KCNQ5: variants seen among roughly 807,000 people sequenced by gnomAD.
KCNQ5 encodes the protein potassium voltage-gated channel subfamily Q member 5.
A neutral mutation model predicts 98.2 loss-of-function variants in KCNQ5; 30 were observed. The ratio of observed to expected loss-of-function variants is 0.31; its 90% confidence interval spans 0.23 to 0.41. The LOEUF (loss-of-function observed/expected upper bound fraction) is 0.41. Ranked by LOEUF, KCNQ5 falls within the 10% of genes least tolerant of loss-of-function variation. The pLI, the probability that KCNQ5 is intolerant of heterozygous loss-of-function variation, is 1.00. For missense variants in KCNQ5, 835 were observed against 1,182.5 expected (o/e 0.71, Z 4.31); for synonymous variants, 458 against 449.4 (o/e 1.02, Z -0.24).
chr6:72,891,786 C>A (rs1357532779), intron 1 of KCNQ5, among the ~76,000 whole-genome samples: 1 of 152,164 alleles, frequency 6.6e-6, no homozygotes, highest in Non-Finnish European at 1.5e-5. Context: ...TCGCTATTAT[C>A]AGGCAAGACT....
intron 2 of KCNQ5, among the ~76,000 whole-genome samples, chr6:73,034,081 C>A (rs546670757): frequency 1.3e-5 from 2 of 152,278 alleles, no homozygotes; most frequent in East Asian, 3.9e-4. Flanking sequence ...AAGTTTGGAG[C>A]CATCTCTAGA....
At chr6:72,811,697 G>A (rs1447497102) in intron 1 of KCNQ5, among the ~76,000 whole-genome samples, 3 of 152,166 alleles carry the variant, frequency 2.0e-5, no homozygotes, top group Non-Finnish European at 2.9e-5. Context: ...TGGAGGCCAA[G>A]TTCCAGGTGT....
intron 1 of KCNQ5, among the ~76,000 whole-genome samples, chr6:72,697,823 A>T (rs1050736586): frequency 1.3e-5 from 2 of 152,178 alleles, no homozygotes; most frequent in South Asian, 2.1e-4. Context: ...GATTATGGCG[A>T]TTATTTCACA....
chr6:73,074,590 A>G (rs1026100875), intron 3 of KCNQ5, among the ~76,000 whole-genome samples: 1 of 152,210 alleles, frequency 6.6e-6, no homozygotes, highest in Non-Finnish European at 1.5e-5. Flanking sequence ...AACTAACTTT[A>G]TAGCATACTT....
intron 1 of KCNQ5, among the ~76,000 whole-genome samples, chr6:72,830,797 A>G (rs893297210): frequency 6.6e-6 from 1 of 152,240 alleles, no homozygotes; most frequent in African/African-American, 2.4e-5. Flanking sequence ...GTGAACAGGC[A>G]ACCTACAGAA....
intron 1 of KCNQ5, among the ~76,000 whole-genome samples, chr6:72,840,047 G>A (rs1032395639): frequency 6.6e-6 from 1 of 152,044 alleles, no homozygotes; most frequent in Non-Finnish European, 1.5e-5. Context: ...TCTACTCTGT[G>A]TTTTTATGAG....
chr6:72,680,845 T>A (rs1290054166), intron 1 of KCNQ5, among the ~76,000 whole-genome samples: 1 of 152,248 alleles, frequency 6.6e-6, no homozygotes, highest in African/African-American at 2.4e-5. Flanking sequence ...TCATTGGCTT[T>A]GTTGGATTAG....
chr6:72,714,704 G>T (rs1769551365), intron 1 of KCNQ5, among the ~76,000 whole-genome samples: 1 of 152,164 alleles, frequency 6.6e-6, no homozygotes, highest in Non-Finnish European at 1.5e-5. Context: ...GCTGATACAT[G>T]TCAGAACTCC....
chr6:72,686,678 C>G (rs1346611216), intron 1 of KCNQ5, among the ~76,000 whole-genome samples: 1 of 144,118 alleles, frequency 6.9e-6, no homozygotes, highest in Non-Finnish European at 1.5e-5. Context: ...TTATAAATTA[C>G]TTCACTGCCC....
intron 3 of KCNQ5, among the ~76,000 whole-genome samples, chr6:73,050,318 AGAAG>A (rs1772175058): frequency 1.2e-5 from 1 of 80,956 alleles, no homozygotes; most frequent in Non-Finnish European, 2.8e-5. Context: ...AAGGGAGGGA[AGAAG>A]GAAGGAAGGG....
chr6:72,688,654 C>A (rs938727883), intron 1 of KCNQ5, among the ~76,000 whole-genome samples: 1 of 152,054 alleles, frequency 6.6e-6, no homozygotes, highest in Admixed American at 6.6e-5. Flanking sequence ...TAAGTATATA[C>A]GGAGTATGGT....
chr6:72,800,125 A>G (rs1774562793), intron 1 of KCNQ5, among the ~76,000 whole-genome samples: 2 of 152,136 alleles, frequency 1.3e-5, no homozygotes, highest in Admixed American at 1.3e-4. Context: ...CTCCTATATC[A>G]GACTGTCTGA....
At position 72,830,730 on chromosome 6, in the gene KCNQ5, C is replaced by T. The variant is rs530865366; in HGVS notation, c.399-173178C>T. 2.6e-5 allele frequency among the ~76,000 whole-genome samples: 4 copies of T among 152,284 alleles called. No homozygotes were observed. In the South Asian group the frequency reaches 8.3e-4, roughly 32 times the overall value. On this transcript the variant is annotated intron_variant, in intron 1 of 13. Transcript: ENST00000370398. ...CAATGGCAACAAAAGCCAAAATTGA[C>T]AAATGTGATCTAATTAAACTAAAGA...
rs1458890689 is a variant in KCNQ5, at chr6:73,157,340, G to A, written c.1469-12406G>A. 5.3e-5 allele frequency among the ~76,000 whole-genome samples: 8 copies of A among 152,162 alleles called. No individual in the cohort carries two copies. In the South Asian group the frequency reaches 1.7e-3, roughly 32 times the overall value. ...GTGTGCAGAAAAGGGCTGAGGAAGA[G>A]GAGGAAGGGGAAACAGGAAGGAGTC... is the stretch of plus-strand genomic sequence containing the variant. On this transcript the variant is annotated intron_variant, in intron 10 of 13. Coordinates refer to ENST00000370398, the MANE Select transcript of KCNQ5 (RefSeq NM_019842.4).
chr6:73,111,248 T>C (rs1582378445), intron 6 of KCNQ5, 60 bp from the exon 7 acceptor site: 1 of 1,138,138 alleles, frequency 8.8e-7, no homozygotes, highest in East Asian at 2.3e-5. Context: ...CTTTTTAATA[T>C]TTGTATTATT....
intron 9 of KCNQ5, among the ~76,000 whole-genome samples, chr6:73,126,925 AC>A (rs1776011659): frequency 6.6e-6 from 1 of 152,170 alleles, no homozygotes; most frequent in African/African-American, 2.4e-5. Flanking sequence ...TAAAACACCA[AC>A]AAAAAATGGG....
intron 1 of KCNQ5, among the ~76,000 whole-genome samples, chr6:72,742,618 T>G (rs1020176055): frequency 5.9e-5 from 9 of 152,218 alleles, no homozygotes; most frequent in African/African-American, 2.2e-4. Flanking sequence ...TAATATCTAT[T>G]AATACTCTTT....
At chr6:72,739,093 A>G (rs973622623) in intron 1 of KCNQ5, among the ~76,000 whole-genome samples, 2 of 152,108 alleles carry the variant, frequency 1.3e-5, no homozygotes, top group African/African-American at 2.4e-5. Context: ...ATTGTAACCA[A>G]TGTTCCAGTT....
chr6:72,952,055 A>G (rs530322497), intron 1 of KCNQ5, among the ~76,000 whole-genome samples: 106 of 152,242 alleles, frequency 7.0e-4, no homozygotes, highest in African/African-American at 2.5e-3. Context: ...GCATTTGGGG[A>G]AAAAAATGGC....
Sources: gnomAD v4.1 joint callset for allele counts (sites outside exome capture counted in the v4.1 genomes callset) on GRCh38, gnomAD v4.1.1 for gene constraint, MANE v1.5 for transcripts, NCBI Gene and HGNC (gene_info 2026-07-23, HGNC 2026-07-21) for gene names.